RTN4RL2: variants seen among roughly 807,000 people sequenced by gnomAD.
The protein encoded by RTN4RL2 is reticulon 4 receptor like 2.
RTN4RL2 carries 9 observed loss-of-function variants against 27.8 expected under a neutral mutation model. That is an observed-to-expected ratio of 0.32 (90% CI 0.20 to 0.57). The LOEUF is 0.57. Ranked by LOEUF, RTN4RL2 falls within the 20% of genes least tolerant of loss-of-function variation. The pLI is 0.90. For synonymous variants in RTN4RL2, 285 were observed against 297.9 expected (o/e 0.96, Z 0.45); for missense variants, 436 against 596.8 (o/e 0.73, Z 2.81).
rs1943597885 is a variant in RTN4RL2, at chr11:57,476,598, G to A, written c.950G>A (p.Arg317Gln). 7.1e-7 allele frequency: 1 copy of A among 1,401,288 alleles called. No individual in the cohort carries two copies. Among genetic ancestry groups the A allele is most frequent in the Non-Finnish European group, 9.2e-7 (1 of 1,084,100 alleles). 86.8% of individuals were successfully genotyped at this position (1,401,288 alleles called of 1,614,324 possible). The change falls in exon 3 of 3, where the codon CGG (arginine) becomes CAG (glutamine). Residue 317 changes from arginine (R) to glutamine (Q), a missense_variant. Physicochemically the swap from Arg to Gln is conservative, Grantham distance 43. This residue lies in a region of RTN4RL2 where 365 missense variants were observed against 530.5 expected (regional missense o/e 0.69). Coordinates refer to ENST00000335099, the MANE Select transcript of RTN4RL2 (RefSeq NM_178570.3). The surrounding 1 kb of genome is among the most constrained non-coding windows in gnomAD (Gnocchi z 8.2). ...GCGTGTCCGCCCGCGGCACCCACGCGGCCGGGCAGCCGCGCCCGCGGCAAC... is the reference window on the plus strand; with the variant it reads ...GCGTGTCCGCCCGCGGCACCCACGCAGCCGGGCAGCCGCGCCCGCGGCAAC... The part of the protein sequence containing the change: ...FQACPPAAPT[R>Q]PGSRARGNSS...
intron 1 of RTN4RL2, among the ~76,000 whole-genome samples, chr11:57,462,160 C>T (rs1397757712): frequency 2.0e-5 from 3 of 152,170 alleles, no homozygotes; most frequent in East Asian, 1.9e-4. Flanking sequence ...TTTATTTATC[C>T]GGCCTGGACG....
At chr11:57,466,720 G>A (rs567848676) in intron 1 of RTN4RL2, among the ~76,000 whole-genome samples, 2 of 152,308 alleles carry the variant, frequency 1.3e-5, no homozygotes, top group African/African-American at 4.8e-5. Context: ...CCCAGAGTGA[G>A]TCCATTTCAC....
At chr11:57,466,322 T>C (rs1403102247) in intron 1 of RTN4RL2, among the ~76,000 whole-genome samples, 1 of 152,080 alleles carries the variant, frequency 6.6e-6, no homozygotes, top group Non-Finnish European at 1.5e-5. Context: ...TTTAAAAAAT[T>C]AGCTGGGTGC....
intron 2 of RTN4RL2, among the ~76,000 whole-genome samples, chr11:57,471,585 G>A (rs915399770): frequency 6.6e-6 from 1 of 152,240 alleles, no homozygotes; most frequent in Non-Finnish European, 1.5e-5. Flanking sequence ...GGTGAGATCC[G>A]CAGGGTGCAG....
At chr11:57,468,201 C>G in intron 2 of RTN4RL2, 111 bp downstream of exon 2, 1 of 1,118,642 alleles carries the variant, frequency 8.9e-7, no homozygotes, top group Non-Finnish European at 1.3e-6. Context: ...GGCCACCCTT[C>G]CTGCCTCAGC....
At chr11:57,474,259 G>C (rs1471848537) in intron 2 of RTN4RL2, among the ~76,000 whole-genome samples, 1 of 152,182 alleles carries the variant, frequency 6.6e-6, no homozygotes, top group African/African-American at 2.4e-5. Flanking sequence ...GAGGGGGACG[G>C]ATCTCAATGT....
At chr11:57,473,748 A>AAT (rs1943578591) in intron 2 of RTN4RL2, among the ~76,000 whole-genome samples, 1 of 152,004 alleles carries the variant, frequency 6.6e-6, no homozygotes, top group Non-Finnish European at 1.5e-5. Flanking sequence ...GGGAGGAGGC[A>AAT]ATGGACCCCA....
At position 57,460,716 on chromosome 11, in the gene RTN4RL2, A is replaced by C; in HGVS notation, c.-150A>C. The C allele has an allele frequency of 2.9e-6, 1 of 340,946 alleles. No individual in the cohort carries two copies. The highest frequency in any genetic ancestry group is 2.2e-5 in the African/African-American group (1 of 45,930). The allele number at this position is 340,946 out of a possible 1,614,324, so 21.1% of individuals were successfully genotyped here. ...CCGAGGCCCGCAGCCCGGGCGGCGC[A>C]GGGTAGAGCGCCGCGGCCCGGCCAC... On this transcript the variant is annotated 5_prime_UTR_variant, in exon 1 of 3. Transcript: ENST00000335099.
chr11:57,460,839 G>GC lies in RTN4RL2; in HGVS notation c.-22dup, dbSNP rs773246089. The GC allele has an allele frequency of 6.5e-6, 9 of 1,386,746 alleles. No individual in the cohort carries two copies. The African/African-American group carries it at 1.2e-4, about 19-fold the overall frequency. 85.9% of individuals were successfully genotyped at this position (1,386,746 alleles called of 1,614,324 possible). ...CGAGTGGGAGCGCCCTCCCCCCGCT[G>GC]CCCCCTCCCCCGAGCATCGAGACAA... On this transcript the variant is annotated 5_prime_UTR_variant, in exon 1 of 3. Coordinates refer to ENST00000335099, the MANE Select transcript of RTN4RL2 (RefSeq NM_178570.3).
In RTN4RL2 at chr11:57,476,779, G is replaced by T; in HGVS notation, c.1131G>T (p.Glu377Asp). The T allele has an allele frequency of 1.3e-6, 2 of 1,492,350 alleles. No individual in the cohort carries two copies. 92.4% of individuals were successfully genotyped at this position (1,492,350 alleles called of 1,614,324 possible). ...ACTACTGGGGGGGCTACGGGGGTGA[G>T]GACCAGCGAGGGGAGCAGATGTGCC... ...EDDYWGGYGG[E>D]DQRGEQMCPG... is the part of the protein sequence containing the mutation. Residue 377 changes from glutamate (E) to aspartate (D), a missense_variant, in exon 3 of 3, where the codon GAG (glutamate) becomes GAT (aspartate). Physicochemically the swap from Glu to Asp is conservative, Grantham distance 45 (BLOSUM62 2). Coordinates refer to ENST00000335099, the MANE Select transcript of RTN4RL2 (RefSeq NM_178570.3). The surrounding 1 kb of genome is among the most constrained non-coding windows in gnomAD (Gnocchi z 8.2).
At chr11:57,465,007 TCA>T (rs1227017911) in intron 1 of RTN4RL2, among the ~76,000 whole-genome samples, 1 of 152,004 alleles carries the variant, frequency 6.6e-6, no homozygotes. Context: ...GGCCCGGCGC[TCA>T]CACACACGCG....
rs1216357353 is a variant in RTN4RL2, at chr11:57,460,768, C to T, written c.-98C>T. ...CAGCCCGGGGACTCCCGGGCCCTCC[C>T]GGAGCCCCGCGGGGTCCCCGCCGTG... On this transcript the variant is annotated 5_prime_UTR_variant, in exon 1 of 3. Coordinates refer to ENST00000335099, the MANE Select transcript of RTN4RL2 (RefSeq NM_178570.3). 2 of 584,232 alleles carry T rather than the reference C, an allele frequency of 3.4e-6. No homozygotes were observed. Among genetic ancestry groups the T allele is most frequent in the African/African-American group, 2.0e-5 (1 of 50,826 alleles). The allele number at this position is 584,232 out of a possible 1,614,324, so 36.2% of individuals were successfully genotyped here. A position where few individuals can be genotyped will look rare whatever the true frequency, so the allele number is the denominator to read the frequency against.
intron 1 of RTN4RL2, among the ~76,000 whole-genome samples, chr11:57,461,543 G>C (rs1037828866): frequency 2.6e-5 from 4 of 151,688 alleles, no homozygotes; most frequent in Non-Finnish European, 5.9e-5. Flanking sequence ...GCGGGGGAGG[G>C]GGAGAAGGAA....
Position 57,476,025 on chromosome 11 carries a change from T to C in RTN4RL2, c.514-137T>C. 1.2e-6 allele frequency: 1 copy of C among 823,012 alleles called. No individual in the cohort carries two copies. The highest frequency in any genetic ancestry group is 2.6e-5 in the East Asian group (1 of 37,960). 51.0% of individuals were successfully genotyped at this position (823,012 alleles called of 1,614,324 possible). On this transcript the variant is annotated intron_variant, in intron 2 of 2. Coordinates refer to ENST00000335099, the MANE Select transcript of RTN4RL2 (RefSeq NM_178570.3). The surrounding 1 kb of genome is among the most constrained non-coding windows in gnomAD (Gnocchi z 8.2). ...GAGGAGGCAGAATCCAAATCCAGGA[T>C]GCTATGAATCAAAAGGTCAACCCTT...
intron 2 of RTN4RL2, 67 bp downstream of exon 2, chr11:57,468,157 C>T: frequency 6.6e-7 from 1 of 1,511,788 alleles, no homozygotes. Context: ...CCCTCTGCTC[C>T]CCGACCCTGG....
intron 1 of RTN4RL2, among the ~76,000 whole-genome samples, chr11:57,466,707 G>C (rs1249360230): frequency 3.3e-5 from 5 of 152,174 alleles, no homozygotes; most frequent in Non-Finnish European, 5.9e-5. Context: ...GGCAAGACCA[G>C]ACCCCAGAGT....
chr11:57,476,639 C>T lies in RTN4RL2; in HGVS notation c.991C>T (p.Leu331=). The change falls in exon 3 of 3, where the codon CTG becomes TTG. Residue 331 remains leucine (L), a synonymous_variant. Coordinates refer to ENST00000335099, the MANE Select transcript of RTN4RL2 (RefSeq NM_178570.3). This position sits in a 1 kb window ranked among gnomAD's most constrained non-coding sequence, Gnocchi z 8.2. ...CCGCGGCAACAGCTCCTCCAACCAC[C>T]TGTACGGGGTGGCCGAGGCCGGGGC... ...RARGNSSSNH[L]YGVAEAGAPP... The T allele has an allele frequency of 7.1e-7, 1 of 1,415,260 alleles. No homozygotes were observed. The highest frequency in any genetic ancestry group is 9.1e-7 in the Non-Finnish European group (1 of 1,094,478). The allele number at this position is 1,415,260 out of a possible 1,614,324, so 87.7% of individuals were successfully genotyped here. A position where few individuals can be genotyped will look rare whatever the true frequency, so the allele number is the denominator to read the frequency against.
chr11:57,474,600 G>C (rs1318892461), intron 2 of RTN4RL2, among the ~76,000 whole-genome samples: 2 of 152,194 alleles, frequency 1.3e-5, no homozygotes, highest in Non-Finnish European at 2.9e-5. Flanking sequence ...GCACAAGAGG[G>C]GAGGACCTCA....
chr11:57,470,028 C>T (rs572219359), intron 2 of RTN4RL2, among the ~76,000 whole-genome samples: 2 of 152,312 alleles, frequency 1.3e-5, no homozygotes, highest in East Asian at 1.9e-4. Context: ...TGAGGCCACA[C>T]ACCCAGGAAG....
Sources: allele counts gnomAD v4.1 joint callset (sites outside exome capture counted in the v4.1 genomes callset), GRCh38; gene constraint gnomAD v4.1.1; regional missense constraint gnomAD v4.1.1; non-coding constraint Gnocchi (gnomAD v3.1); transcripts MANE v1.5; gene names NCBI Gene and HGNC (gene_info 2026-07-23, HGNC 2026-07-21).